The following YEATS4 variants were observed in gnomAD, a reference collection of about 807,000 sequenced individuals.
YEATS4 encodes the protein YEATS domain containing 4, also known as YEATS domain-containing protein 4.
YEATS4 carries 17 observed loss-of-function variants against 30.1 expected under a neutral mutation model. The observed-to-expected ratio is 0.56, with a 90% CI of 0.39 to 0.85. The LOEUF (loss-of-function observed/expected upper bound fraction) is 0.85, where lower values mean the gene tolerates loss of function less well. Ranked by LOEUF, YEATS4 falls within the 40% of genes least tolerant of loss-of-function variation. YEATS4 has a pLI of 0.00. For missense variants in YEATS4, 142 were observed against 268.3 expected (o/e 0.53, Z 3.29); for synonymous variants, 85 against 87.5 (o/e 0.97, Z 0.16).
chr12:69,415,851 G>A, the YEATS4 span, among the ~76,000 whole-genome samples: 2 of 152,172 alleles, frequency 1.3e-5, no homozygotes, highest in East Asian at 3.9e-4. Flanking sequence ...GACTAGCGAG[G>A]GGATCACAGG....
At chr12:69,381,625 G>A (rs553000739) in intron 6 of YEATS4, among the ~76,000 whole-genome samples, 50 of 152,332 alleles carry the variant, frequency 3.3e-4, no homozygotes, top group African/African-American at 1.1e-3. Flanking sequence ...CACAATTTAT[G>A]TTCAGAGATT....
chr12:69,395,389 C>T (rs1473379794), downstream of YEATS4, among the ~76,000 whole-genome samples: 1 of 151,954 alleles, frequency 6.6e-6, no homozygotes, highest in Non-Finnish European at 1.5e-5. Flanking sequence ...CAATGGAATC[C>T]TCTGTGGTTG....
the YEATS4 span, among the ~76,000 whole-genome samples, chr12:69,420,559 A>T: frequency 6.6e-6 from 1 of 152,136 alleles, no homozygotes; most frequent in Non-Finnish European, 1.5e-5. Context: ...GAAATTTGGC[A>T]GCTCTTGACA....
chr12:69,385,468 A>G (rs1480215144), intron 6 of YEATS4, among the ~76,000 whole-genome samples: 3 of 152,152 alleles, frequency 2.0e-5, no homozygotes, highest in South Asian at 4.1e-4. Flanking sequence ...AGTGCTTACT[A>G]TTTGTATTCT....
chr12:69,360,352 A>C (rs1386166961), intron 1 of YEATS4, among the ~76,000 whole-genome samples: 1 of 152,194 alleles, frequency 6.6e-6, no homozygotes, highest in African/African-American at 2.4e-5. Flanking sequence ...CTGCCAATCT[A>C]GGTTATTGGT....
At chr12:69,378,590 C>T (rs1018260179) in intron 6 of YEATS4, among the ~76,000 whole-genome samples, 30 of 151,960 alleles carry the variant, frequency 2.0e-4, no homozygotes, top group African/African-American at 6.0e-4. Flanking sequence ...TCCTATAACC[C>T]GTTGTTTTAA....
chr12:69,415,343 G>A, the YEATS4 span, among the ~76,000 whole-genome samples: 1 of 152,228 alleles, frequency 6.6e-6, no homozygotes, highest in Admixed American at 6.5e-5. Context: ...GGGAGGCCGA[G>A]GCGGGCAGAT....
chr12:69,418,419 T>C, the YEATS4 span, among the ~76,000 whole-genome samples: 3 of 152,148 alleles, frequency 2.0e-5, no homozygotes, highest in Non-Finnish European at 4.4e-5. Flanking sequence ...GCCACTGCAC[T>C]CCAGCCTGGG....
the YEATS4 span, among the ~76,000 whole-genome samples, chr12:69,417,194 G>C: frequency 1.0e-5 from 1 of 98,994 alleles, no homozygotes; most frequent in African/African-American, 4.1e-5. Flanking sequence ...ATCTCACTCT[G>C]TTGCCCAGGC....
At chr12:69,402,415 G>A in the YEATS4 span, among the ~76,000 whole-genome samples, 7 of 152,272 alleles carry the variant, frequency 4.6e-5, no homozygotes, top group East Asian at 1.2e-3. Context: ...TATGCTTTTT[G>A]TTGAGGTTTG....
intron 6 of YEATS4, among the ~76,000 whole-genome samples, chr12:69,378,091 A>G (rs940931704): frequency 2.0e-5 from 3 of 152,212 alleles, no homozygotes; most frequent in African/African-American, 7.2e-5. Context: ...TTATTATTAT[A>G]TAATGACCCT....
At chr12:69,361,074 T>G (rs1268127508) in intron 1 of YEATS4, among the ~76,000 whole-genome samples, 1 of 151,610 alleles carries the variant, frequency 6.6e-6, no homozygotes, top group Non-Finnish European at 1.5e-5. Flanking sequence ...GGCGGGCACC[T>G]GTAATCCCAG....
At chr12:69,394,230 A>G (rs963167641), downstream of YEATS4, among the ~76,000 whole-genome samples, 4 of 152,200 alleles carry the variant, frequency 2.6e-5, no homozygotes, top group Non-Finnish European at 5.9e-5. Context: ...AAATGGCATA[A>G]TGGCACAACT....
the YEATS4 span, among the ~76,000 whole-genome samples, chr12:69,405,191 A>T: frequency 1.3e-5 from 2 of 152,190 alleles, no homozygotes; most frequent in African/African-American, 4.8e-5. Flanking sequence ...TCCCACCCTT[A>T]TCTGTGGGGG....
At chr12:69,385,480 C>T (rs925221915) in intron 6 of YEATS4, among the ~76,000 whole-genome samples, 3 of 152,204 alleles carry the variant, frequency 2.0e-5, no homozygotes, top group East Asian at 3.9e-4. Flanking sequence ...TTGTATTCTT[C>T]TGAGTCTGTA....
At chr12:69,374,097 C>G (rs148489868) in intron 6 of YEATS4, among the ~76,000 whole-genome samples, 46 of 150,240 alleles carry the variant, frequency 3.1e-4, no homozygotes, top group African/African-American at 1.1e-3. Flanking sequence ...ATAACTTAGG[C>G]TATTCTGGAT....
the YEATS4 span, among the ~76,000 whole-genome samples, chr12:69,411,369 A>T: frequency 6.6e-6 from 1 of 152,126 alleles, no homozygotes; most frequent in South Asian, 2.1e-4. Flanking sequence ...GGCACAAGCA[A>T]TCCTCCCACC....
chr12:69,373,682 C>G (rs1184999316), intron 6 of YEATS4, among the ~76,000 whole-genome samples: 1 of 152,156 alleles, frequency 6.6e-6, no homozygotes, highest in African/African-American at 2.4e-5. Flanking sequence ...TAGGGTATTA[C>G]ACAAGAAATC....
intron 6 of YEATS4, among the ~76,000 whole-genome samples, chr12:69,388,322 G>A (rs867345196): frequency 6.6e-6 from 1 of 152,144 alleles, no homozygotes; most frequent in Non-Finnish European, 1.5e-5. Context: ...TGTAATCTTC[G>A]TAAATCCTCT....
Sources: allele counts gnomAD v4.1 joint callset (sites outside exome capture counted in the v4.1 genomes callset), GRCh38; gene constraint gnomAD v4.1.1; transcripts MANE v1.5; gene names NCBI Gene and HGNC (gene_info 2026-07-23, HGNC 2026-07-21).